TMEM182: variants seen among roughly 807,000 people sequenced by gnomAD.
TMEM182 encodes the protein transmembrane protein 182.
A neutral mutation model predicts 26.8 loss-of-function variants in TMEM182; 20 were observed. The observed-to-expected ratio is 0.75, with a 90% confidence interval of 0.53 to 1.09. The LOEUF (loss-of-function observed/expected upper bound fraction) is 1.09. Ranked by LOEUF, TMEM182 falls within the 50% of genes least tolerant of loss-of-function variation. TMEM182 has a pLI of 0.00. For synonymous variants in TMEM182, 109 were observed against 102.2 expected, an observed-to-expected ratio of 1.07 and a Z score of -0.40; for missense variants, 277 against 275.5, an observed-to-expected ratio of 1.01 and a Z score of -0.04.
chr2:102,831,193 C>T (rs951654575), intron 3 of TMEM182, among the ~76,000 whole-genome samples: 1 of 152,174 alleles, frequency 6.6e-6, no homozygotes, highest in South Asian at 2.1e-4. Flanking sequence ...CTTCATTACA[C>T]TGATTTCTGT....
chr2:102,755,428 A>G (rs559182700), intron 1 of TMEM182, among the ~76,000 whole-genome samples: 2 of 152,286 alleles, frequency 1.3e-5, no homozygotes, highest in South Asian at 2.1e-4. Context: ...CACCGTTTGT[A>G]TTTAGCCTCC....
intron 1 of TMEM182, among the ~76,000 whole-genome samples, chr2:102,743,708 A>G (rs1428787366): frequency 6.6e-6 from 1 of 152,214 alleles, no homozygotes; most frequent in Non-Finnish European, 1.5e-5. Flanking sequence ...ATGCAACTAT[A>G]TGCTGTATAC....
At chr2:102,810,326 T>C (rs191303950) in intron 4 of TMEM182, among the ~76,000 whole-genome samples, 1,905 of 152,294 alleles carry the variant, frequency 0.013, 26 homozygotes, top group Non-Finnish European at 0.02. Context: ...ACTCTTGTGT[T>C]TGTGAAACAG....
At position 102,817,420 on chromosome 2, in the gene TMEM182, A is replaced by G. The variant is rs116709911; in HGVS notation, c.*2452A>G. 1.2e-4 allele frequency: 118 copies of G among 985,448 alleles called. No individual in the cohort carries two copies. The African/African-American group carries it at 1.7e-3, about 14-fold the overall frequency. 61.0% of individuals were successfully genotyped at this position (985,448 alleles called of 1,614,324 possible). A position where few individuals can be genotyped will look rare whatever the true frequency, so the allele number is the denominator to read the frequency against. On this transcript the variant is annotated 3_prime_UTR_variant, in exon 5 of 5. Transcript: ENST00000412401. The stretch of plus-strand genomic sequence containing the variant: ...TATGCTCTTGGACTTGGTGAAAGCT[A>G]TCATCTCTCCATATTGTATTTGTTC...
chr2:102,796,539 A>G (rs1681876035), intron 3 of TMEM182, among the ~76,000 whole-genome samples: 1 of 152,232 alleles, frequency 6.6e-6, no homozygotes, highest in Non-Finnish European at 1.5e-5. Flanking sequence ...CAAGGACAGC[A>G]AATATTTGGC....
At chr2:102,819,300 G>A (rs1682860010), downstream of TMEM182, among the ~76,000 whole-genome samples, 1 of 152,142 alleles carries the variant, frequency 6.6e-6, no homozygotes, top group African/African-American at 2.4e-5. Context: ...GATGTGTAAA[G>A]AATAATGCTT....
At chr2:102,770,922 TA>T (rs1337718727) in intron 3 of TMEM182, among the ~76,000 whole-genome samples, 1 of 152,204 alleles carries the variant, frequency 6.6e-6, no homozygotes, top group African/African-American at 2.4e-5. Context: ...CTAGAGTTTA[TA>T]AAAATGTAAA....
At chr2:102,786,661 A>G (rs1471416820) in intron 3 of TMEM182, among the ~76,000 whole-genome samples, 1 of 152,194 alleles carries the variant, frequency 6.6e-6, no homozygotes, top group Non-Finnish European at 1.5e-5. Context: ...TCCTGGATTC[A>G]TTTCCATTTT....
chr2:102,841,080 A>C (rs1475635418), intron 3 of TMEM182, among the ~76,000 whole-genome samples: 1 of 152,106 alleles, frequency 6.6e-6, no homozygotes, highest in Non-Finnish European at 1.5e-5. Flanking sequence ...AAATAGTGGC[A>C]TCAAGAGTGG....
At chr2:102,839,476 A>T (rs1254172811) in intron 3 of TMEM182, among the ~76,000 whole-genome samples, 1 of 124,948 alleles carries the variant, frequency 8.0e-6, no homozygotes, top group Non-Finnish European at 1.7e-5. Context: ...TATATAATAT[A>T]TACACACAAA....
chr2:102,838,476 G>A (rs1573583288), intron 3 of TMEM182, among the ~76,000 whole-genome samples: 1 of 152,236 alleles, frequency 6.6e-6, no homozygotes, highest in Non-Finnish European at 1.5e-5. Context: ...CAGGTGGTCA[G>A]GGAAGGCTCT....
rs181560549 is a variant in TMEM182, at chr2:102,793,419, T to G, written c.332-4444T>G. On this transcript the variant is annotated intron_variant, in intron 3 of 4. Coordinates refer to ENST00000412401, the MANE Select transcript of TMEM182 (RefSeq NM_144632.5). ...GTAGTCTACTTTGCCCAAACATGAC[T>G]ACTGCACTCTAAGCTATCATTTAAA... Among the ~76,000 whole-genome samples, 134 of 152,314 alleles carry G rather than the reference T, an allele frequency of 8.8e-4. 1 individual carries two copies. The highest frequency in any genetic ancestry group is 3.0e-3 in the African/African-American group (126 of 41,576).
rs1346465013 is a variant in TMEM182 at position 102,740,712 on chromosome 2, G to T, written c.-83+3699G>T. 3.9e-5 allele frequency among the ~76,000 whole-genome samples: 6 copies of T among 152,280 alleles called. No homozygotes were observed. In the East Asian group the frequency reaches 1.2e-3, roughly 29 times the overall value. Reference sequence around the variant, plus strand: ...CTGTGACCCAACTATTACACTCTGAGATATTTACCCAAAAGATAGGAGAAC... The same window carrying T: ...CTGTGACCCAACTATTACACTCTGATATATTTACCCAAAAGATAGGAGAAC... On this transcript the variant is annotated intron_variant, in intron 1 of 5. Transcript: ENST00000409173.
chr2:102,784,040 A>G (rs1256712339), intron 3 of TMEM182, among the ~76,000 whole-genome samples: 1 of 151,916 alleles, frequency 6.6e-6, no homozygotes, highest in African/African-American at 2.4e-5. Context: ...CCGGCCAAGT[A>G]TTTTTCCAAG....
At chr2:102,820,097 C>T (rs1004246004), downstream of TMEM182, among the ~76,000 whole-genome samples, 1 of 152,100 alleles carries the variant, frequency 6.6e-6, no homozygotes, top group Non-Finnish European at 1.5e-5. Context: ...TCTTTCAATC[C>T]CCTTGCAGAA....
intron 3 of TMEM182, among the ~76,000 whole-genome samples, chr2:102,829,737 C>A (rs1266700884): frequency 6.6e-6 from 1 of 152,120 alleles, no homozygotes; most frequent in Non-Finnish European, 1.5e-5. Flanking sequence ...GCCATTGGAG[C>A]TTTCCTGCCT....
At chr2:102,746,114 T>C (rs968382583) in intron 1 of TMEM182, among the ~76,000 whole-genome samples, 2 of 152,234 alleles carry the variant, frequency 1.3e-5, no homozygotes, top group Non-Finnish European at 2.9e-5. Flanking sequence ...TTTTCTGTAA[T>C]TGGATTATAG....
At chr2:102,838,608 TAACAAC>T (rs1683291959) in intron 3 of TMEM182, among the ~76,000 whole-genome samples, 1 of 152,152 alleles carries the variant, frequency 6.6e-6, no homozygotes, top group Admixed American at 6.6e-5. Context: ...TTGTCAGTAG[TAACAAC>T]CTGAAGAATC....
chr2:102,773,719 A>G (rs111630572), intron 3 of TMEM182, among the ~76,000 whole-genome samples: 5 of 152,286 alleles, frequency 3.3e-5, no homozygotes, highest in African/African-American at 1.2e-4. Flanking sequence ...TTGTTGTATC[A>G]TTAGCAGCCT....
Sources: gnomAD v4.1 joint callset for allele counts (sites outside exome capture counted in the v4.1 genomes callset) on GRCh38, gnomAD v4.1.1 for gene constraint, MANE v1.5 for transcripts, NCBI Gene and HGNC (gene_info 2026-07-23, HGNC 2026-07-21) for gene names.